The following ZNF831 variants were observed in gnomAD, a reference collection of about 807,000 sequenced individuals.
The protein encoded by ZNF831 is zinc finger protein 831.
Under a neutral mutation model 95.8 loss-of-function variants are expected in ZNF831, and 59 were observed. That is an observed-to-expected ratio of 0.62 (90% CI 0.50 to 0.77). The LOEUF (loss-of-function observed/expected upper bound fraction) is 0.77. ZNF831 is among the 30% of genes least tolerant of loss of function. The pLI, the probability that ZNF831 is intolerant of heterozygous loss-of-function variation, is 0.00. For missense variants in ZNF831, 2,205 were observed against 2,164.0 expected (o/e 1.02, Z -0.38); for synonymous variants, 961 against 925.5 (o/e 1.04, Z -0.70).
intron 1 of ZNF831, among the ~76,000 whole-genome samples, chr20:59,130,104 C>T (rs983209798): frequency 1.4e-4 from 21 of 152,280 alleles, no homozygotes; most frequent in Admixed American, 5.9e-4. Flanking sequence ...GTACTTCCCA[C>T]ACAGCCTTGA....
chr20:59,231,173 G>A lies in ZNF831; in HGVS notation c.4028-21805G>A, dbSNP rs1865451. ...CTCATATCGCTTTAGCCAGAAATGAGTTACCCGGTCATACTTAGCTGTAAG... is the reference window on the plus strand; with the variant it reads ...CTCATATCGCTTTAGCCAGAAATGAATTACCCGGTCATACTTAGCTGTAAG... On this transcript the variant is annotated intron_variant, in intron 4 of 5. Coordinates refer to ENST00000371030, the MANE Select transcript of ZNF831 (RefSeq NM_178457.3). 4.0e-3 allele frequency among the ~76,000 whole-genome samples: 606 copies of A among 152,312 alleles called. 13 individuals are homozygous for A. The highest frequency in any genetic ancestry group is 0.036 in the Admixed American group (551 of 15,294).
rs200510991 is a variant in ZNF831 at position 59,191,281 on chromosome 20, C to A, written c.262C>A (p.Pro88Thr). ...VTGSLDGGNV[P>T]FILSPVLQPE... ...GGGCAGCCTAGATGGGGGCAACGTG[C>A]CCTTCATACTCAGCCCTGTGCTGCA... Residue 88 changes from proline (P) to threonine (T), a missense_variant, in exon 2 of 6, where the codon CCC becomes ACC. Transcript: ENST00000371030. 7.1e-5 allele frequency: 112 copies of A among 1,569,806 alleles called. No homozygotes were observed. Among genetic ancestry groups the A allele is most frequent in the Non-Finnish European group, 9.3e-5 (108 of 1,158,116 alleles).
At chr20:59,195,737 C>T (rs762339889) in intron 2 of ZNF831, 132 bp from the exon 3 acceptor site, 90 of 1,483,404 alleles carry the variant, frequency 6.1e-5, no homozygotes, top group Admixed American at 2.1e-4. Flanking sequence ...GGGCTCAGCC[C>T]GTTTAGCAAT....
At chr20:59,146,679 C>T (rs983193774) in intron 2 of ZNF831, 23 of 152,190 alleles carry the variant, frequency 1.5e-4, no homozygotes, top group Admixed American at 3.3e-4. Context: ...GATTTCCAAC[C>T]GGGGCTGCTG....
chr20:59,148,839 C>T (rs1218332428), intron 2 of ZNF831, among the ~76,000 whole-genome samples: 1 of 151,996 alleles, frequency 6.6e-6, no homozygotes, highest in Admixed American at 6.6e-5. Context: ...CTACCTCAGA[C>T]CCACATACCT....
chr20:59,127,228 C>A (rs1601287760), intron 1 of ZNF831, among the ~76,000 whole-genome samples: 1 of 152,322 alleles, frequency 6.6e-6, no homozygotes, highest in Non-Finnish European at 1.5e-5. Flanking sequence ...ATTTGTCGCA[C>A]CTCCATCACT....
intron 4 of ZNF831, among the ~76,000 whole-genome samples, chr20:59,238,407 T>C (rs1052901578): frequency 2.0e-5 from 3 of 152,178 alleles, no homozygotes; most frequent in African/African-American, 7.2e-5. Context: ...TCTTCCTCTC[T>C]ACTTCTCATG....
At chr20:59,154,838 G>T (rs1428445290) in intron 2 of ZNF831, among the ~76,000 whole-genome samples, 1 of 152,114 alleles carries the variant, frequency 6.6e-6, no homozygotes, top group African/African-American at 2.4e-5. Flanking sequence ...TATCTCCCAG[G>T]TCTGTCTTCA....
chr20:59,229,667 A>G (rs780536670), intron 4 of ZNF831, among the ~76,000 whole-genome samples: 1 of 152,188 alleles, frequency 6.6e-6, no homozygotes, highest in Non-Finnish European at 1.5e-5. Context: ...TCTGGTTACT[A>G]TAGCTGGTCC....
intron 1 of ZNF831, among the ~76,000 whole-genome samples, chr20:59,141,424 C>A (rs1352533909): frequency 6.6e-6 from 1 of 152,104 alleles, no homozygotes; most frequent in African/African-American, 2.4e-5. Flanking sequence ...TTCTTTCTTT[C>A]ATTTTTGCCT....
intron 4 of ZNF831, among the ~76,000 whole-genome samples, chr20:59,249,391 T>C (rs146290450): frequency 1.4e-3 from 211 of 152,312 alleles, no homozygotes; most frequent in African/African-American, 4.7e-3. Flanking sequence ...AATATCCCCG[T>C]CCTCGATTTA....
At chr20:59,244,656 C>T (rs1235596623) in intron 4 of ZNF831, among the ~76,000 whole-genome samples, 1 of 152,210 alleles carries the variant, frequency 6.6e-6, no homozygotes, top group Non-Finnish European at 1.5e-5. Context: ...CATCCTTCTA[C>T]ATCTTTCTCC....
In ZNF831 at chr20:59,197,033, C is replaced by T. The variant is rs528389322; in HGVS notation, c.3875+1028C>T. ...AACTCCTGGCCTCAAGCGATCCTCT[C>T]GTCTTGGCCTCCCAAAGTGCTGGGA... is the stretch of plus-strand genomic sequence containing the variant. On this transcript the variant is annotated intron_variant, in intron 3 of 5. Coordinates refer to ENST00000371030, the MANE Select transcript of ZNF831 (RefSeq NM_178457.3). Among the ~76,000 whole-genome samples, 8 of 151,768 alleles carry T rather than the reference C, an allele frequency of 5.3e-5. 1 individual carries two copies. Among genetic ancestry groups the T allele is most frequent in the South Asian group, 2.1e-4 (1 of 4,802 alleles).
At chr20:59,204,980 G>A (rs545985052) in intron 3 of ZNF831, among the ~76,000 whole-genome samples, 3 of 152,290 alleles carry the variant, frequency 2.0e-5, no homozygotes, top group South Asian at 2.1e-4. Flanking sequence ...GGCTGTTCTC[G>A]AAGGCAAAAA....
At chr20:59,214,653 A>G (rs952425530) in intron 4 of ZNF831, among the ~76,000 whole-genome samples, 5 of 152,262 alleles carry the variant, frequency 3.3e-5, no homozygotes, top group African/African-American at 4.8e-5. Flanking sequence ...ACATGTGCTC[A>G]CATGCTCTTG....
At chr20:59,231,598 G>C (rs1304893069) in intron 4 of ZNF831, among the ~76,000 whole-genome samples, 2 of 152,196 alleles carry the variant, frequency 1.3e-5, no homozygotes, top group Non-Finnish European at 2.9e-5. Context: ...AAGTGATACT[G>C]TTTCAAGAGT....
At chr20:59,156,658 A>G (rs1278764211) in intron 2 of ZNF831, among the ~76,000 whole-genome samples, 2 of 152,020 alleles carry the variant, frequency 1.3e-5, no homozygotes, top group African/African-American at 2.4e-5. Flanking sequence ...TTTGACCCTC[A>G]CCTTCCCCAT....
At chr20:59,179,136 A>T (rs1229151048) in intron 1 of ZNF831, among the ~76,000 whole-genome samples, 1 of 152,224 alleles carries the variant, frequency 6.6e-6, no homozygotes, top group African/African-American at 2.4e-5. Context: ...TGGGAGGACC[A>T]CAGTGGCTCA....
chr20:59,225,632 A>G (rs1986375826), intron 4 of ZNF831, among the ~76,000 whole-genome samples: 2 of 152,190 alleles, frequency 1.3e-5, no homozygotes, highest in Admixed American at 1.3e-4. Context: ...ACAGGAGCAG[A>G]CGATCAAACT....
Sources: allele counts gnomAD v4.1 joint callset (sites outside exome capture counted in the v4.1 genomes callset), GRCh38; gene constraint gnomAD v4.1.1; transcripts MANE v1.5; gene names NCBI Gene and HGNC (gene_info 2026-07-23, HGNC 2026-07-21).